LHFPL2: variants seen among roughly 807,000 people sequenced by gnomAD.
LHFPL2 encodes the protein LHFPL tetraspan subfamily member 2 protein.
In LHFPL2, 7 loss-of-function variants were observed where a neutral mutation model predicts 17.5. That is an observed-to-expected ratio of 0.40 (90% CI 0.23 to 0.75). The LOEUF is 0.75. Ranked by LOEUF, LHFPL2 falls within the 30% of genes least tolerant of loss-of-function variation. LHFPL2 has a pLI of 0.37. For synonymous variants in LHFPL2, 134 were observed against 116.2 expected (o/e 1.15, Z -0.99); for missense variants, 241 against 294.8 (o/e 0.82, Z 1.34).
At chr5:78,645,387 A>G (rs1287402386) in intron 1 of LHFPL2, among the ~76,000 whole-genome samples, 1 of 151,938 alleles carries the variant, frequency 6.6e-6, no homozygotes, top group Non-Finnish European at 1.5e-5. Flanking sequence ...TGGATAAATG[A>G]AGGAACAAAC....
intron 1 of LHFPL2, among the ~76,000 whole-genome samples, chr5:78,635,025 A>G (rs1745383638): frequency 6.6e-6 from 1 of 152,234 alleles, no homozygotes; most frequent in Non-Finnish European, 1.5e-5. Context: ...GGAGTGGGTC[A>G]GTTCTTCACA....
chr5:78,520,143 A>G (rs1430020684), intron 3 of LHFPL2, among the ~76,000 whole-genome samples: 3 of 152,134 alleles, frequency 2.0e-5, no homozygotes, highest in Admixed American at 2.0e-4. Flanking sequence ...AGTAGGAATC[A>G]TTACTATTAC....
At chr5:78,601,779 A>G (rs1003860478) in intron 2 of LHFPL2, among the ~76,000 whole-genome samples, 1 of 151,884 alleles carries the variant, frequency 6.6e-6, no homozygotes, top group Admixed American at 6.6e-5. Context: ...GGCTGGGGGG[A>G]ATGCTCCTGC....
chr5:78,499,010 C>T (rs959294142), intron 4 of LHFPL2, among the ~76,000 whole-genome samples: 3 of 152,198 alleles, frequency 2.0e-5, no homozygotes, highest in Admixed American at 6.5e-5. Context: ...TCCCCATCTA[C>T]ACTCAGTGCC....
At position 78,485,937 on chromosome 5, in the gene LHFPL2, A is replaced by G. The variant is rs1470089718; in HGVS notation, c.*2960T>C. 7.7e-6 allele frequency: 1 copy of G among 129,742 alleles called. No individual in the cohort carries two copies. The highest frequency in any genetic ancestry group is 1.6e-5 in the Non-Finnish European group (1 of 62,354). The allele number at this position is 129,742 out of a possible 1,614,324, so 8.0% of individuals were successfully genotyped here. On this transcript the variant is annotated 3_prime_UTR_variant, in exon 5 of 5. Transcript: ENST00000380345. Reference sequence around the variant, plus strand: ...AAAATTATGGGTTACTGAATAAGCCATGAAGGCAAAAATGTGGAACTCTCC... The same window carrying G: ...AAAATTATGGGTTACTGAATAAGCCGTGAAGGCAAAAATGTGGAACTCTCC...
At chr5:78,545,568 C>T (rs866947943) in intron 3 of LHFPL2, among the ~76,000 whole-genome samples, 2 of 152,212 alleles carry the variant, frequency 1.3e-5, no homozygotes, top group Non-Finnish European at 2.9e-5. Context: ...CTCCATGAGA[C>T]GAACTCACTA....
intron 2 of LHFPL2, among the ~76,000 whole-genome samples, chr5:78,567,798 G>T (rs538747451): frequency 6.6e-6 from 1 of 152,078 alleles, no homozygotes; most frequent in Non-Finnish European, 1.5e-5. Flanking sequence ...GCAAGCAGGA[G>T]AGAAAATTTT....
Position 78,585,217 on chromosome 5 carries a change from C to T in LHFPL2, c.-244-20346G>A, listed in dbSNP as rs1301146877. Among the ~76,000 whole-genome samples, 355 of 117,752 alleles carry T rather than the reference C, an allele frequency of 3.0e-3. 84 individuals are homozygous for T. The highest frequency in any genetic ancestry group is 1.9e-3 in the Non-Finnish European group (95 of 50,592). The allele number at this position is 117,752 out of a possible 152,430, so 77.2% of individuals were successfully genotyped here. ...GAGACGGGGTTTCACCGTTTTTAGC[C>T]GGGATGGTCTCGATATCCTGACCTC... On this transcript the variant is annotated intron_variant, in intron 2 of 4. Transcript: ENST00000380345.
intron 4 of LHFPL2, among the ~76,000 whole-genome samples, chr5:78,493,338 C>A (rs1754508853): frequency 6.6e-6 from 1 of 152,126 alleles, no homozygotes; most frequent in Middle Eastern, 3.2e-3. Context: ...GTTCCTGGGC[C>A]CTGACAAGCA....
intron 3 of LHFPL2, among the ~76,000 whole-genome samples, chr5:78,514,993 G>A (rs1755248409): frequency 6.6e-6 from 1 of 152,066 alleles, no homozygotes; most frequent in South Asian, 2.1e-4. Context: ...ATCTGAAAAT[G>A]AGTTGCAGAT....
intron 2 of LHFPL2, among the ~76,000 whole-genome samples, chr5:78,585,004 T>G (rs1242320117): frequency 2.0e-5 from 1 of 50,270 alleles, no homozygotes; most frequent in Non-Finnish European, 5.5e-5. Flanking sequence ...TGTTTTTTTT[T>G]TTTTTTTTTT....
At chr5:78,527,775 G>A (rs1755663508) in intron 3 of LHFPL2, among the ~76,000 whole-genome samples, 2 of 152,114 alleles carry the variant, frequency 1.3e-5, no homozygotes, top group African/African-American at 2.4e-5. Context: ...TCATTCAGCT[G>A]GGAAAATTAG....
At chr5:78,632,425 G>T (rs183852590) in intron 1 of LHFPL2, 57 bp from the exon 2 acceptor site, 1 of 152,288 alleles carries the variant, frequency 6.6e-6, no homozygotes, top group East Asian at 1.9e-4. Context: ...CCAGTCTTTC[G>T]ATGGTTCCAA....
chr5:78,488,778 C>T lies in LHFPL2; in HGVS notation c.*119G>A, dbSNP rs111741961. ...CCTCTCATTGGTCCTGTTTAAGCCT[C>T]GGGCCGTGGAACGTGGCTTTGGTAG... On this transcript the variant is annotated 3_prime_UTR_variant, in exon 5 of 5. Transcript: ENST00000380345. 9 of 1,183,682 alleles carry T rather than the reference C, an allele frequency of 7.6e-6. No homozygotes were observed. Among genetic ancestry groups the T allele is most frequent in the East Asian group, 2.3e-5 (1 of 42,670 alleles). 73.3% of individuals were successfully genotyped at this position (1,183,682 alleles called of 1,614,324 possible). A position where few individuals can be genotyped will look rare whatever the true frequency, so the allele number is the denominator to read the frequency against.
rs767499552 is a variant in LHFPL2, at chr5:78,485,940, A to G, written c.*2957T>C. The G allele has an allele frequency of 3.7e-5, 4 of 109,062 alleles. No individual in the cohort carries two copies. The highest frequency in any genetic ancestry group is 7.3e-5 in the Non-Finnish European group (4 of 54,466). 6.8% of individuals were successfully genotyped at this position (109,062 alleles called of 1,614,324 possible). A position where few individuals can be genotyped will look rare whatever the true frequency, so the allele number is the denominator to read the frequency against. ...ATTATGGGTTACTGAATAAGCCATGAAGGCAAAAATGTGGAACTCTCCTTG... is the reference window on the plus strand; with the variant it reads ...ATTATGGGTTACTGAATAAGCCATGGAGGCAAAAATGTGGAACTCTCCTTG... On this transcript the variant is annotated 3_prime_UTR_variant, in exon 5 of 5. Transcript: ENST00000380345.
At chr5:78,555,519 A>C (rs188259177) in intron 3 of LHFPL2, among the ~76,000 whole-genome samples, 1 of 152,364 alleles carries the variant, frequency 6.6e-6, no homozygotes, top group African/African-American at 2.4e-5. Flanking sequence ...CATAAAACCA[A>C]TGGGATGTGG....
intron 2 of LHFPL2, among the ~76,000 whole-genome samples, chr5:78,587,774 C>A (rs986642070): frequency 3.9e-5 from 6 of 152,204 alleles, no homozygotes; most frequent in African/African-American, 1.2e-4. Context: ...CAGAAAGCGC[C>A]GATTAGCATT....
intron 2 of LHFPL2, among the ~76,000 whole-genome samples, chr5:78,584,015 C>T (rs1251460745): frequency 1.2e-4 from 18 of 152,114 alleles, no homozygotes; most frequent in Non-Finnish European, 2.4e-4. Flanking sequence ...CTTCCCTTCT[C>T]ACTTCATTTC....
intron 2 of LHFPL2, among the ~76,000 whole-genome samples, chr5:78,567,442 C>G (rs1756887493): frequency 6.6e-6 from 1 of 151,938 alleles, no homozygotes; most frequent in South Asian, 2.1e-4. Flanking sequence ...AAACATTCAC[C>G]TAAAAAGTTA....
Sources: allele counts gnomAD v4.1 joint callset (sites outside exome capture counted in the v4.1 genomes callset), GRCh38; gene constraint gnomAD v4.1.1; transcripts MANE v1.5; gene names NCBI Gene and HGNC (gene_info 2026-07-23, HGNC 2026-07-21).